PSMA1: variants seen among roughly 807,000 people sequenced by gnomAD.
The protein encoded by PSMA1 is proteasome 20S subunit alpha 1, also known as proteasome subunit alpha type-1.
PSMA1 carries 3 observed loss-of-function variants against 38.4 expected under a neutral mutation model. That is an observed-to-expected ratio of 0.08 (90% CI 0.04 to 0.20). The LOEUF is 0.20. PSMA1 is among the 10% of genes least tolerant of loss of function. PSMA1 has a pLI of 1.00. For missense variants in PSMA1, 227 were observed against 325.3 expected (o/e 0.70, Z 2.32); for synonymous variants, 101 against 107.1 (o/e 0.94, Z 0.35).
At chr11:14,611,065 G>A in exon 2 of PSMA1, 1 of 1,451,868 alleles carries the variant, frequency 6.9e-7, no homozygotes. Context: ...TCTTTTCCCA[G>A]CCTTGGAGGG....
At chr11:14,514,360 C>T (rs1334307480) in intron 5 of PSMA1, 43 bp downstream of exon 5, 2 of 1,552,628 alleles carry the variant, frequency 1.3e-6, no homozygotes, top group Non-Finnish European at 1.7e-6. Flanking sequence ...GTATCAAAAC[C>T]CTTCAAAGTT....
At chr11:14,585,105 T>C (rs528046821) in intron 2 of PSMA1, among the ~76,000 whole-genome samples, 1 of 152,344 alleles carries the variant, frequency 6.6e-6, no homozygotes, top group Non-Finnish European at 1.5e-5. Flanking sequence ...TACTGATTAA[T>C]TGGGTTATAC....
At chr11:14,563,296 G>A (rs750230359) in intron 2 of PSMA1, among the ~76,000 whole-genome samples, 1 of 152,180 alleles carries the variant, frequency 6.6e-6, no homozygotes, top group Non-Finnish European at 1.5e-5. Context: ...TTACTTTCAC[G>A]TGTTTGTGTC....
chr11:14,609,310 G>A (rs1037105692), intron 2 of PSMA1, among the ~76,000 whole-genome samples: 2 of 152,142 alleles, frequency 1.3e-5, no homozygotes, highest in Admixed American at 1.3e-4. Flanking sequence ...TGTCTCATCA[G>A]GATTCATTCA....
chr11:14,631,272 C>T (rs891513615), intron 1 of PSMA1, among the ~76,000 whole-genome samples: 9 of 152,094 alleles, frequency 5.9e-5, no homozygotes, highest in South Asian at 4.2e-4. Context: ...TGTCAATTTT[C>T]GATATTTCCT....
intron 1 of PSMA1, among the ~76,000 whole-genome samples, chr11:14,630,366 T>C (rs1203886699): frequency 6.6e-6 from 1 of 152,248 alleles, no homozygotes; most frequent in Non-Finnish European, 1.5e-5. Context: ...TGAGAGTTTT[T>C]AGCATGAAGG....
chr11:14,584,497 T>C (rs1852317935), intron 2 of PSMA1, among the ~76,000 whole-genome samples: 1 of 147,248 alleles, frequency 6.8e-6, no homozygotes, highest in African/African-American at 2.6e-5. Flanking sequence ...GAGTGTTTTT[T>C]TTGTTTTTTG....
At chr11:14,593,657 AGAGAGC>A (rs1289423331) in intron 2 of PSMA1, among the ~76,000 whole-genome samples, 15 of 122,830 alleles carry the variant, frequency 1.2e-4, no homozygotes, top group African/African-American at 3.2e-4. Context: ...AGAGAGAGAG[AGAGAGC>A]GCCAGCCCTA....
At chr11:14,585,545 T>C (rs1268833158) in intron 2 of PSMA1, among the ~76,000 whole-genome samples, 2 of 152,214 alleles carry the variant, frequency 1.3e-5, no homozygotes, top group Non-Finnish European at 2.9e-5. Context: ...AAGCCTATGT[T>C]CTCAGTAACC....
chr11:14,586,459 G>T (rs1446748294), intron 2 of PSMA1, among the ~76,000 whole-genome samples: 1 of 151,870 alleles, frequency 6.6e-6, no homozygotes, highest in Non-Finnish European at 1.5e-5. Flanking sequence ...GCAGATAAAT[G>T]ATGTGTTACT....
chr11:14,585,224 G>A (rs548425504), intron 2 of PSMA1, among the ~76,000 whole-genome samples: 1 of 152,200 alleles, frequency 6.6e-6, no homozygotes, highest in East Asian at 1.9e-4. Context: ...TGACCCAGGA[G>A]TCCAAGGCTG....
chr11:14,596,477 T>C (rs1299584349), intron 2 of PSMA1, among the ~76,000 whole-genome samples: 1 of 152,206 alleles, frequency 6.6e-6, no homozygotes, highest in East Asian at 1.9e-4. Context: ...GTAAGTTGGA[T>C]TGCTAGGTAT....
chr11:14,561,813 AC>A (rs1467516232), intron 2 of PSMA1, among the ~76,000 whole-genome samples: 1 of 15,178 alleles, frequency 6.6e-5, no homozygotes, highest in Non-Finnish European at 5.3e-4. Flanking sequence ...ACTAAATTAA[AC>A]TAAACTAAAC....
In PSMA1 at chr11:14,605,346, C is replaced by T. The variant is rs1367319441; in HGVS notation, c.21+5620G>A. On this transcript the variant is annotated intron_variant, in intron 2 of 10. Transcript: ENST00000418988. Reference sequence around the variant, plus strand: ...TGTTTCCCAGCCACTTCTGTGTCCTCTTTTGGGAAGTGGTCTGTTCATGTC... The same window carrying T: ...TGTTTCCCAGCCACTTCTGTGTCCTTTTTTGGGAAGTGGTCTGTTCATGTC... Among the ~76,000 whole-genome samples the T allele has an allele frequency of 2.0e-5, 3 of 152,066 alleles. No homozygotes were observed. In the South Asian group the frequency reaches 6.2e-4, roughly 31 times the overall value.
At chr11:14,529,183 CAAAT>C (rs1292706672) in intron 2 of PSMA1, among the ~76,000 whole-genome samples, 3 of 149,736 alleles carry the variant, frequency 2.0e-5, no homozygotes, top group African/African-American at 7.4e-5. Flanking sequence ...TTAAAAGAAT[CAAAT>C]AAAAGTAAAT....
chr11:14,509,320 C>G (rs2597219), intron 8 of PSMA1, among the ~76,000 whole-genome samples: 100,868 of 151,942 alleles, frequency 0.66, 33,702 homozygotes, highest in African/African-American at 0.7. Flanking sequence ...TATAACAAAT[C>G]TATTAGCAAA....
chr11:14,520,216 G>C, intron 1 of PSMA1, 81 bp downstream of exon 1: 2 of 1,599,702 alleles, frequency 1.3e-6, no homozygotes, highest in Non-Finnish European at 1.7e-6. Flanking sequence ...GCGACGCTAA[G>C]GATGACAGGA....
At chr11:14,581,203 T>C (rs1029868407) in intron 2 of PSMA1, among the ~76,000 whole-genome samples, 1 of 152,208 alleles carries the variant, frequency 6.6e-6, no homozygotes, top group African/African-American at 2.4e-5. Flanking sequence ...CTGACGAAAG[T>C]GAACTACATT....
At chr11:14,539,306 T>C (rs2134163583) in intron 2 of PSMA1, among the ~76,000 whole-genome samples, 1 of 152,320 alleles carries the variant, frequency 6.6e-6, no homozygotes, top group Non-Finnish European at 1.5e-5. Flanking sequence ...CTGCAGTCAC[T>C]GTTATTTTTA....
Sources: gnomAD v4.1 joint callset for allele counts (sites outside exome capture counted in the v4.1 genomes callset) on GRCh38, gnomAD v4.1.1 for gene constraint, MANE v1.5 for transcripts, NCBI Gene and HGNC (gene_info 2026-07-23, HGNC 2026-07-21) for gene names.